Variants in IL1RAPL1 observed in about 807,000 individuals in gnomAD.
The protein encoded by IL1RAPL1 is interleukin-1 receptor accessory protein-like 1.
A neutral mutation model predicts 48.4 loss-of-function variants in IL1RAPL1; 3 were observed. The ratio of observed to expected loss-of-function variants is 0.06; its 90% confidence interval spans 0.03 to 0.16. IL1RAPL1 has a LOEUF of 0.16. Ranked by LOEUF, IL1RAPL1 falls within the 10% of genes least tolerant of loss-of-function variation. IL1RAPL1 has a pLI of 1.00. For synonymous variants in IL1RAPL1, 185 were observed against 187.7 expected (o/e 0.99, Z 0.12); for missense variants, 349 against 530.6 (o/e 0.66, Z 3.36).
chrX:29,269,281 A>G (rs1374190500), intron 2 of IL1RAPL1, among the ~76,000 whole-genome samples: 1 of 111,729 alleles, frequency 9.0e-6, no homozygotes, highest in Non-Finnish European at 1.9e-5. Flanking sequence ...GTGATAAACC[A>G]GCACTTGATG....
intron 1 of IL1RAPL1, 93 bp from the exon 2 acceptor site, chrX:28,789,227 C>T (rs753684836): frequency 7.3e-4 from 366 of 503,803 alleles, no homozygotes; most frequent in Middle Eastern, 3.4e-3. Flanking sequence ...TTCATTGCAC[C>T]GATCATGTTT....
At chrX:29,126,127 T>C (rs1208331661) in intron 2 of IL1RAPL1, among the ~76,000 whole-genome samples, 1 of 111,372 alleles carries the variant, frequency 9.0e-6, no homozygotes, top group Non-Finnish European at 1.9e-5. Flanking sequence ...GAATAGCTAA[T>C]TTTACAGTAT....
intron 2 of IL1RAPL1, among the ~76,000 whole-genome samples, chrX:29,038,306 A>G (rs1926772019): frequency 9.0e-6 from 1 of 111,729 alleles, no homozygotes; most frequent in African/African-American, 3.3e-5. Flanking sequence ...TCTGTAATTC[A>G]CTGAGCCTGT....
At chrX:29,752,103 T>TAC (rs1193856797) in intron 6 of IL1RAPL1, among the ~76,000 whole-genome samples, 14 of 96,385 alleles carry the variant, frequency 1.5e-4, no homozygotes, top group South Asian at 4.8e-4. Context: ...TATATATATA[T>TAC]ACACACATAT....
chrX:29,633,452 T>C (rs1215782039), intron 5 of IL1RAPL1, among the ~76,000 whole-genome samples: 1 of 103,062 alleles, frequency 9.7e-6, no homozygotes, highest in Admixed American at 1.1e-4. Context: ...TTTGTGACAA[T>C]TTATCGATAT....
chrX:29,848,137 C>T (rs147056588), intron 6 of IL1RAPL1, among the ~76,000 whole-genome samples: 2,053 of 111,092 alleles, frequency 0.018, 46 homozygotes, highest in African/African-American at 0.063. Flanking sequence ...TAGATGATGA[C>T]AGTTTCTTTT....
At chrX:29,270,489 A>T (rs930763909) in intron 2 of IL1RAPL1, among the ~76,000 whole-genome samples, 2 of 112,211 alleles carry the variant, frequency 1.8e-5, no homozygotes, top group African/African-American at 6.5e-5. Context: ...AGATTTTGTC[A>T]TATGGGTACC....
intron 2 of IL1RAPL1, among the ~76,000 whole-genome samples, chrX:28,958,669 C>G (rs966468184): frequency 9.0e-6 from 1 of 111,291 alleles, no homozygotes; most frequent in South Asian, 3.8e-4. Flanking sequence ...AAGAATTTTG[C>G]AAAACTCCTC....
chrX:28,929,539 G>A (rs1923827387), intron 2 of IL1RAPL1, among the ~76,000 whole-genome samples: 1 of 111,905 alleles, frequency 8.9e-6, no homozygotes, highest in Admixed American at 9.5e-5. Context: ...AAGGCAGCCA[G>A]GCTGCCTGAT....
At chrX:29,331,027 T>A (rs943831789) in intron 3 of IL1RAPL1, among the ~76,000 whole-genome samples, 7 of 110,081 alleles carry the variant, frequency 6.4e-5, no homozygotes, top group African/African-American at 2.0e-4. Flanking sequence ...ATTAGCTGGG[T>A]GTGGTGGCAC....
intron 5 of IL1RAPL1, among the ~76,000 whole-genome samples, chrX:29,561,610 G>T (rs7049454): frequency 9.0e-6 from 1 of 111,291 alleles, no homozygotes; most frequent in African/African-American, 3.3e-5. Flanking sequence ...GAAACAAATC[G>T]TGGGCCAAGA....
intron 1 of IL1RAPL1, among the ~76,000 whole-genome samples, chrX:28,739,540 A>G (rs1295816993): frequency 1.8e-5 from 2 of 111,922 alleles, no homozygotes; most frequent in Non-Finnish European, 3.8e-5. Flanking sequence ...AGACTAGGCT[A>G]TCAAGGCACA....
intron 6 of IL1RAPL1, among the ~76,000 whole-genome samples, chrX:29,677,672 C>T (rs1008360415): frequency 8.9e-6 from 1 of 111,747 alleles, no homozygotes; most frequent in East Asian, 2.8e-4. Context: ...CCACCCATTA[C>T]CATGTGTGAC....
At chrX:28,822,420 G>A (rs73630102) in intron 2 of IL1RAPL1, among the ~76,000 whole-genome samples, 6,940 of 111,378 alleles carry the variant, frequency 0.062, 496 homozygotes, top group African/African-American at 0.22. Context: ...TAAAATATTT[G>A]CTATCTGACC....
At chrX:29,557,463 C>T (rs909540857) in intron 5 of IL1RAPL1, among the ~76,000 whole-genome samples, 8 of 111,931 alleles carry the variant, frequency 7.1e-5, no homozygotes, top group Non-Finnish European at 1.1e-4. Context: ...AAGTGATTGC[C>T]ATAATCAAGC....
intron 6 of IL1RAPL1, among the ~76,000 whole-genome samples, chrX:29,912,309 AG>A (rs1393524875): frequency 8.9e-6 from 1 of 112,099 alleles, no homozygotes; most frequent in Non-Finnish European, 1.9e-5. Context: ...CTTTAAAAAA[AG>A]GGAAACAAGG....
At chrX:29,008,323 C>T (rs1457956018) in intron 2 of IL1RAPL1, among the ~76,000 whole-genome samples, 36 of 108,308 alleles carry the variant, frequency 3.3e-4, no homozygotes, top group Admixed American at 2.3e-3. Context: ...TACAGGCGCC[C>T]GCCACCACGC....
intron 5 of IL1RAPL1, among the ~76,000 whole-genome samples, chrX:29,596,397 T>G (rs1439089230): frequency 8.9e-6 from 1 of 112,443 alleles, no homozygotes; most frequent in Admixed American, 9.4e-5. Context: ...GTATCATCTA[T>G]GATTTCTTTC....
intron 6 of IL1RAPL1, among the ~76,000 whole-genome samples, chrX:29,809,534 G>A (rs749522176): frequency 9.0e-6 from 1 of 111,266 alleles, no homozygotes; most frequent in South Asian, 3.8e-4. Context: ...AAGTACGTAG[G>A]AGACTTTATT....
Sources: gnomAD v4.1 joint callset for allele counts (sites outside exome capture counted in the v4.1 genomes callset) on GRCh38, gnomAD v4.1.1 for gene constraint, MANE v1.5 for transcripts, NCBI Gene and HGNC (gene_info 2026-07-23, HGNC 2026-07-21) for gene names.